PCDH15: variants seen among roughly 807,000 people sequenced by gnomAD.
The protein encoded by PCDH15 is protocadherin-15.
Under a neutral mutation model 178.5 loss-of-function variants are expected in PCDH15, and 129 were observed. The observed-to-expected ratio is 0.72, with a 90% confidence interval of 0.63 to 0.84. PCDH15 has a LOEUF of 0.84. PCDH15 is among the 40% of genes least tolerant of loss of function. The pLI is 0.00. For missense variants in PCDH15, 2,230 were observed against 2,099.9 expected (o/e 1.06, Z -1.21); for synonymous variants, 800 against 732.0 (o/e 1.09, Z -1.50).
At chr10:53,966,678 T>A (rs2089054172) in intron 21 of PCDH15, among the ~76,000 whole-genome samples, 1 of 151,958 alleles carries the variant, frequency 6.6e-6, no homozygotes, top group South Asian at 2.1e-4. Context: ...TCTAAAAAAG[T>A]TATAAACTTG....
intron 2 of PCDH15, among the ~76,000 whole-genome samples, chr10:55,565,464 A>C (rs902510614): frequency 1.3e-5 from 2 of 151,618 alleles, no homozygotes; most frequent in African/African-American, 2.4e-5. Context: ...TTAAACCAGA[A>C]AAACAAACTG....
intron 8 of PCDH15, among the ~76,000 whole-genome samples, chr10:54,279,893 A>C (rs1457119164): frequency 6.6e-6 from 1 of 151,756 alleles, no homozygotes; most frequent in Non-Finnish European, 1.5e-5. Flanking sequence ...TAAATGTAGG[A>C]CATTAAGCTT....
intron 1 of PCDH15, among the ~76,000 whole-genome samples, chr10:54,703,550 T>C (rs2095335092): frequency 6.6e-6 from 1 of 152,012 alleles, no homozygotes; most frequent in Admixed American, 6.6e-5. Flanking sequence ...ACAAAATCAA[T>C]GTACAAAAAT....
intron 8 of PCDH15, among the ~76,000 whole-genome samples, chr10:54,257,470 AG>A (rs2057004391): frequency 6.8e-6 from 1 of 148,072 alleles, no homozygotes; most frequent in Non-Finnish European, 1.5e-5. Flanking sequence ...TGGTAAGGCA[AG>A]GTTCCCTAAA....
chr10:54,475,541 G>C (rs1565370168), intron 3 of PCDH15, among the ~76,000 whole-genome samples: 1 of 151,908 alleles, frequency 6.6e-6, no homozygotes, highest in Non-Finnish European at 1.5e-5. Context: ...ATTTAATCAT[G>C]CTGGACCTAT....
chr10:54,014,221 G>A (rs1240420169), intron 20 of PCDH15, among the ~76,000 whole-genome samples: 1 of 152,012 alleles, frequency 6.6e-6, no homozygotes, highest in Non-Finnish European at 1.5e-5. Flanking sequence ...GTGTTAAAAA[G>A]AAACTGAATC....
intron 18 of PCDH15, among the ~76,000 whole-genome samples, chr10:54,050,427 T>C (rs1442479025): frequency 6.6e-6 from 1 of 152,262 alleles, no homozygotes; most frequent in African/African-American, 2.4e-5. Flanking sequence ...TCATTTCTGC[T>C]TGTTCTTAAT....
At chr10:55,166,130 C>T (rs970251957) in intron 2 of PCDH15, among the ~76,000 whole-genome samples, 1 of 152,000 alleles carries the variant, frequency 6.6e-6, no homozygotes, top group Non-Finnish European at 1.5e-5. Flanking sequence ...CAAACTTCTG[C>T]CTATAATACT....
intron 1 of PCDH15, among the ~76,000 whole-genome samples, chr10:55,264,563 T>C (rs1592032921): frequency 1.3e-5 from 2 of 152,128 alleles, no homozygotes; most frequent in African/African-American, 4.8e-5. Context: ...GCTTTATCTC[T>C]TTATCACACC....
chr10:54,996,231 C>A (rs767660607), intron 2 of PCDH15, among the ~76,000 whole-genome samples: 34 of 152,126 alleles, frequency 2.2e-4, no homozygotes, highest in Non-Finnish European at 4.4e-4. Flanking sequence ...CCACTTCTGG[C>A]CCCAACCACA....
At chr10:53,897,603 TG>T (rs1564713897) in intron 26 of PCDH15, among the ~76,000 whole-genome samples, 1 of 152,064 alleles carries the variant, frequency 6.6e-6, no homozygotes, top group African/African-American at 2.4e-5. Context: ...GTATTCACAT[TG>T]TTCTGCAAAT....
chr10:54,459,146 T>C (rs1291380096), intron 3 of PCDH15, among the ~76,000 whole-genome samples: 3 of 152,172 alleles, frequency 2.0e-5, no homozygotes, highest in South Asian at 4.1e-4. Context: ...AGAGAGTGTG[T>C]CTGTGTGAGT....
In PCDH15 at chr10:54,687,976, T is replaced by C. The variant is rs1007149627; in HGVS notation, c.-28-23686A>G. ...GATCTGCCAAACAACATTATGTCTA[T>C]AGTCAAAGATTATACACTTAAAAAT... On this transcript the variant is annotated intron_variant, in intron 1 of 37. Coordinates refer to ENST00000644397, the MANE Select transcript of PCDH15 (RefSeq NM_001384140.1). 2.6e-5 allele frequency among the ~76,000 whole-genome samples: 4 copies of C among 152,220 alleles called. No homozygotes were observed. The South Asian group carries it at 6.2e-4, about 24-fold the overall frequency.
At chr10:55,423,492 T>C (rs1278656252) in intron 2 of PCDH15, among the ~76,000 whole-genome samples, 2 of 152,030 alleles carry the variant, frequency 1.3e-5, no homozygotes, top group African/African-American at 4.8e-5. Flanking sequence ...AAAACATACA[T>C]GTGCACATAT....
intron 9 of PCDH15, among the ~76,000 whole-genome samples, chr10:54,225,632 A>G (rs903213239): frequency 6.6e-6 from 1 of 152,170 alleles, no homozygotes; most frequent in Non-Finnish European, 1.5e-5. Context: ...TATCTAGACA[A>G]AATTTTATCT....
At chr10:53,831,574 G>A (rs1342382831) in intron 29 of PCDH15, 41 bp from the exon 30 acceptor site, 2 of 1,363,630 alleles carry the variant, frequency 1.5e-6, no homozygotes. Flanking sequence ...GATGCTAGCA[G>A]AGAAAGAGCA....
At chr10:54,907,428 G>A (rs897737777) in intron 2 of PCDH15, among the ~76,000 whole-genome samples, 3 of 152,084 alleles carry the variant, frequency 2.0e-5, no homozygotes, top group African/African-American at 7.2e-5. Context: ...CATTTTTACT[G>A]TTGACAATTA....
intron 13 of PCDH15, among the ~76,000 whole-genome samples, chr10:54,174,706 T>TCC (rs2047263067): frequency 3.8e-5 from 5 of 130,032 alleles, no homozygotes; most frequent in African/African-American, 1.2e-4. Flanking sequence ...TCTTTTCTTT[T>TCC]TTTTTTTTTT....
chr10:55,305,044 T>C (rs987724642), intron 1 of PCDH15, among the ~76,000 whole-genome samples: 14 of 152,164 alleles, frequency 9.2e-5, no homozygotes, highest in Admixed American at 8.5e-4. Context: ...TAACGCTATC[T>C]GTGAAAAAAG....
Sources: allele counts gnomAD v4.1 joint callset (sites outside exome capture counted in the v4.1 genomes callset), GRCh38; gene constraint gnomAD v4.1.1; transcripts MANE v1.5; gene names NCBI Gene and HGNC (gene_info 2026-07-23, HGNC 2026-07-21).